Variants in PSD3 observed in about 807,000 individuals in gnomAD.
PSD3 encodes PH and SEC7 domain-containing protein 3.
In PSD3, 49 loss-of-function variants were observed where a neutral mutation model predicts 105.5. That is an observed-to-expected ratio of 0.46 (90% CI 0.37 to 0.59). PSD3 has a LOEUF of 0.59. Among genes scored for constraint, PSD3 ranks in the 20% least tolerant of loss-of-function variants. The pLI, the probability that PSD3 is intolerant of heterozygous loss-of-function variation, is 0.00. For missense variants in PSD3, 1,561 were observed against 1,263.8 expected, an observed-to-expected ratio of 1.24 and a Z score of -3.57; for synonymous variants, 557 against 457.8, an observed-to-expected ratio of 1.22 and a Z score of -2.77.
At chr8:18,660,386 T>C (rs1055542366) in intron 9 of PSD3, among the ~76,000 whole-genome samples, 3 of 152,172 alleles carry the variant, frequency 2.0e-5, no homozygotes, top group East Asian at 1.9e-4. Flanking sequence ...TCTGCAATTG[T>C]GAGAATGCAT....
chr8:18,785,474 T>A (rs553859131), intron 8 of PSD3, among the ~76,000 whole-genome samples: 1 of 152,274 alleles, frequency 6.6e-6, no homozygotes, highest in South Asian at 2.1e-4. Context: ...AGGGCCTTGC[T>A]CTGGATTAGG....
rs143657217 is a variant in PSD3 at position 18,814,744 on chromosome 8, C to T, written c.1635-9846G>A. 2.6e-5 allele frequency among the ~76,000 whole-genome samples: 4 copies of T among 152,246 alleles called. No individual in the cohort carries two copies. In the East Asian group the frequency reaches 5.8e-4, roughly 22 times the overall value. ...AGGTAGGATCAGTGAGCCCCATTTCCGGTGGACAAGACAGGAAGAGTGACT... is the reference window on the plus strand; with the variant it reads ...AGGTAGGATCAGTGAGCCCCATTTCTGGTGGACAAGACAGGAAGAGTGACT... On this transcript the variant is annotated intron_variant, in intron 4 of 15. Coordinates refer to ENST00000327040, the MANE Select transcript of PSD3 (RefSeq NM_015310.4).
chr8:19,069,397 T>A (rs1293374234), intron 1 of PSD3, among the ~76,000 whole-genome samples: 1 of 152,022 alleles, frequency 6.6e-6, no homozygotes, highest in Non-Finnish European at 1.5e-5. Flanking sequence ...GGAATAGAAT[T>A]GGAAGAGGGG....
At chr8:18,910,676 C>A (rs1348235244) in intron 2 of PSD3, among the ~76,000 whole-genome samples, 2 of 148,634 alleles carry the variant, frequency 1.3e-5, no homozygotes, top group Non-Finnish European at 3.0e-5. Context: ...TCTGATGCCC[C>A]AGGCCATATC....
intron 1 of PSD3, among the ~76,000 whole-genome samples, chr8:18,991,353 T>TACACAC (rs879892424): frequency 3.5e-5 from 2 of 57,436 alleles, no homozygotes; most frequent in Non-Finnish European, 9.3e-5. Flanking sequence ...CACACACACA[T>TACACAC]ACACACACAC....
chr8:18,860,696 A>G (rs1036601923), intron 4 of PSD3, among the ~76,000 whole-genome samples: 12 of 152,200 alleles, frequency 7.9e-5, no homozygotes, highest in African/African-American at 2.9e-4. Flanking sequence ...ACAAGGCTCA[A>G]TGGATAACAT....
chr8:19,074,673 T>G (rs1365337093), intron 1 of PSD3, among the ~76,000 whole-genome samples: 3 of 133,354 alleles, frequency 2.2e-5, no homozygotes, highest in African/African-American at 8.7e-5. Flanking sequence ...CAGGCTGGAG[T>G]GCAGTGACGC....
At chr8:18,779,171 C>A (rs1328897765) in intron 8 of PSD3, among the ~76,000 whole-genome samples, 5 of 152,082 alleles carry the variant, frequency 3.3e-5, no homozygotes, top group African/African-American at 4.8e-5. Context: ...TTCTTCATGG[C>A]CAAATATTGG....
At chr8:18,669,677 A>T (rs1283238888) in intron 9 of PSD3, among the ~76,000 whole-genome samples, 3 of 152,242 alleles carry the variant, frequency 2.0e-5, no homozygotes, top group Non-Finnish European at 4.4e-5. Flanking sequence ...TTTAAAACTT[A>T]TGAAATGTTT....
chr8:19,028,289 C>T (rs1379618789), intron 1 of PSD3, among the ~76,000 whole-genome samples: 4 of 81,454 alleles, frequency 4.9e-5, no homozygotes, highest in Non-Finnish European at 5.1e-5. Context: ...CCCCCCCCCC[C>T]CGGCCCACCC....
chr8:18,589,128 G>C (rs886632308), intron 12 of PSD3, among the ~76,000 whole-genome samples: 1 of 152,110 alleles, frequency 6.6e-6, no homozygotes, highest in South Asian at 2.1e-4. Context: ...GACCAGTGTG[G>C]GCCCAGCATG....
At chr8:18,777,463 GT>G (rs1267246668) in intron 8 of PSD3, among the ~76,000 whole-genome samples, 1 of 152,070 alleles carries the variant, frequency 6.6e-6, no homozygotes, top group Admixed American at 6.5e-5. Context: ...CTAATGTTGA[GT>G]TTTTTTCCCA....
intron 11 of PSD3, among the ~76,000 whole-genome samples, chr8:18,609,216 A>G (rs77818684): frequency 2.6e-5 from 4 of 152,186 alleles, no homozygotes; most frequent in South Asian, 2.1e-4. Context: ...AGCCATATAC[A>G]CATTAATGAG....
chr8:18,588,548 C>T (rs1324790764), intron 12 of PSD3, among the ~76,000 whole-genome samples: 3 of 152,070 alleles, frequency 2.0e-5, no homozygotes, highest in African/African-American at 2.4e-5. Flanking sequence ...AACAATAACC[C>T]ATGATTCTAC....
At chr8:18,870,118 C>A (rs111652319) in intron 3 of PSD3, among the ~76,000 whole-genome samples, 4 of 152,188 alleles carry the variant, frequency 2.6e-5, no homozygotes, top group East Asian at 3.9e-4. Flanking sequence ...AAGGATCCTG[C>A]CAGTGATCCC....
chr8:18,881,448 T>C (rs1818098531), intron 2 of PSD3, among the ~76,000 whole-genome samples: 1 of 152,154 alleles, frequency 6.6e-6, no homozygotes, highest in African/African-American at 2.4e-5. Flanking sequence ...ATCAAACTGG[T>C]TTTCTTCCAC....
intron 12 of PSD3, among the ~76,000 whole-genome samples, chr8:18,590,201 T>A (rs1391205847): frequency 6.6e-6 from 1 of 152,144 alleles, no homozygotes; most frequent in East Asian, 1.9e-4. Context: ...TTTTGAAAAA[T>A]TTAAAATAAC....
chr8:18,682,045 T>C (rs1337654055), intron 9 of PSD3, among the ~76,000 whole-genome samples: 1 of 151,188 alleles, frequency 6.6e-6, no homozygotes, highest in Non-Finnish European at 1.5e-5. Flanking sequence ...CTTCCACAGA[T>C]ACATATCAAG....
chr8:18,726,817 T>G (rs1274022932), intron 9 of PSD3, among the ~76,000 whole-genome samples: 1 of 152,318 alleles, frequency 6.6e-6, no homozygotes, highest in African/African-American at 2.4e-5. Flanking sequence ...GGCTCTAACT[T>G]TAGATAGTCT....
Sources: allele counts gnomAD v4.1 joint callset (sites outside exome capture counted in the v4.1 genomes callset), GRCh38; gene constraint gnomAD v4.1.1; transcripts MANE v1.5; gene names NCBI Gene and HGNC (gene_info 2026-07-23, HGNC 2026-07-21).